ERC1: variants seen among roughly 807,000 people sequenced by gnomAD.
ERC1 encodes the protein RAB6 interacting protein 2.
A neutral mutation model predicts 132.0 loss-of-function variants in ERC1; 56 were observed. The ratio of observed to expected loss-of-function variants is 0.42; its 90% CI spans 0.34 to 0.53. The LOEUF (loss-of-function observed/expected upper bound fraction) is 0.53. Among genes scored for constraint, ERC1 ranks in the 20% least tolerant of loss-of-function variants. The probability of loss-of-function intolerance (pLI) is 0.03; values close to 1 mark genes in which losing one functional copy is unlikely to be tolerated. For missense variants in ERC1, 1,202 were observed against 1,349.9 expected (o/e 0.89, Z 1.72); for synonymous variants, 478 against 476.1 (o/e 1.00, Z -0.05).
At chr12:1,454,190 C>T (rs564903069) in intron 18 of ERC1, among the ~76,000 whole-genome samples, 22 of 152,148 alleles carry the variant, frequency 1.4e-4, no homozygotes, top group Non-Finnish European at 2.4e-4. Flanking sequence ...GATAGCCAGC[C>T]GAACACACGG....
At chr12:1,078,633 A>G (rs943953322) in intron 2 of ERC1, among the ~76,000 whole-genome samples, 8 of 152,180 alleles carry the variant, frequency 5.3e-5, no homozygotes, top group African/African-American at 1.7e-4. Context: ...TGTTAAAAGA[A>G]AAATGGCAGA....
chr12:1,029,150 C>T (rs4765692), intron 2 of ERC1, among the ~76,000 whole-genome samples: 14,070 of 151,974 alleles, frequency 0.093, 1,007 homozygotes, highest in African/African-American at 0.2. Flanking sequence ...GTCAGGAGTT[C>T]GAGACCAGCC....
At chr12:1,142,545 T>C (rs1949950665) in intron 8 of ERC1, among the ~76,000 whole-genome samples, 1 of 152,244 alleles carries the variant, frequency 6.6e-6, no homozygotes, top group South Asian at 2.1e-4. Flanking sequence ...ATAATTTTGA[T>C]GGATTTTGCC....
chr12:1,350,314 T>C (rs1357189269), intron 15 of ERC1, among the ~76,000 whole-genome samples: 1 of 152,180 alleles, frequency 6.6e-6, no homozygotes, highest in Non-Finnish European at 1.5e-5. Flanking sequence ...TATTGTATTT[T>C]TTAAGTTGTT....
chr12:1,178,089 G>C (rs1032390974), intron 8 of ERC1, among the ~76,000 whole-genome samples: 1 of 152,198 alleles, frequency 6.6e-6, no homozygotes, highest in African/African-American at 2.4e-5. Context: ...TTGTTAACAA[G>C]TGAAAATGTA....
At chr12:1,218,835 C>T (rs76369100) in intron 12 of ERC1, among the ~76,000 whole-genome samples, 34,265 of 113,692 alleles carry the variant, frequency 0.3, 4,175 homozygotes, top group Middle Eastern at 0.38. Context: ...TATATATATA[C>T]ACACACACAC....
intron 13 of ERC1, among the ~76,000 whole-genome samples, chr12:1,256,800 T>C (rs1184215676): frequency 6.6e-6 from 1 of 150,804 alleles, no homozygotes. Flanking sequence ...TATGTTTGGG[T>C]TCCATTTTAA....
At chr12:1,331,601 T>A (rs117604994) in intron 15 of ERC1, among the ~76,000 whole-genome samples, 1 of 152,146 alleles carries the variant, frequency 6.6e-6, no homozygotes, top group Non-Finnish European at 1.5e-5. Context: ...TCTGCTTGAT[T>A]CGTTATGCCC....
chr12:1,038,194 C>T (rs966253201), intron 2 of ERC1, among the ~76,000 whole-genome samples: 1 of 152,138 alleles, frequency 6.6e-6, no homozygotes, highest in African/African-American at 2.4e-5. Flanking sequence ...TTGAACTCTT[C>T]ACAACGCCCA....
chr12:1,469,360 G>T (rs1039270872), intron 18 of ERC1, among the ~76,000 whole-genome samples: 2 of 152,258 alleles, frequency 1.3e-5, no homozygotes, highest in African/African-American at 4.8e-5. Context: ...GCCTCCACGG[G>T]CTGTGTTCAG....
chr12:1,002,256 C>G (rs1156794255), intron 1 of ERC1, among the ~76,000 whole-genome samples: 2 of 134,210 alleles, frequency 1.5e-5, no homozygotes, highest in East Asian at 4.9e-4. Context: ...TCACTGCAGC[C>G]TTGACCTTCT....
rs1485790880 is a variant in ERC1, at chr12:1,440,479, T to G, written c.3025-4083T>G. Among the ~76,000 whole-genome samples, 19 of 150,894 alleles carry G rather than the reference T, an allele frequency of 1.3e-4. No homozygotes were observed. The South Asian group carries it at 2.9e-3, about 23-fold the overall frequency. ...CCTTGGCCTCCCAAAGTGCTGCGATTACAGGTGTGAGCCACCGCGCCCGGC... is the reference window on the plus strand; with the variant it reads ...CCTTGGCCTCCCAAAGTGCTGCGATGACAGGTGTGAGCCACCGCGCCCGGC... On this transcript the variant is annotated intron_variant, in intron 17 of 18. Coordinates refer to ENST00000360905, the MANE Select transcript of ERC1 (RefSeq NM_178040.4).
chr12:1,366,616 G>A (rs1427886345), intron 15 of ERC1, among the ~76,000 whole-genome samples: 1 of 152,192 alleles, frequency 6.6e-6, no homozygotes, highest in Non-Finnish European at 1.5e-5. Context: ...AAAAATATTT[G>A]CTATGGCAAG....
chr12:1,205,479 A>G (rs1472787326), intron 12 of ERC1, among the ~76,000 whole-genome samples: 1 of 151,772 alleles, frequency 6.6e-6, no homozygotes, highest in South Asian at 2.1e-4. Flanking sequence ...AACAGCTAGC[A>G]TATGGGTTAC....
intron 7 of ERC1, among the ~76,000 whole-genome samples, chr12:1,133,581 A>G (rs147828239): frequency 1.3e-5 from 2 of 152,254 alleles, no homozygotes; most frequent in African/African-American, 4.8e-5. Flanking sequence ...TGTGGTTGCA[A>G]TCCTTTTCTT....
intron 17 of ERC1, among the ~76,000 whole-genome samples, chr12:1,420,815 G>T (rs1022694499): frequency 1.3e-5 from 2 of 150,644 alleles, no homozygotes; most frequent in Non-Finnish European, 1.5e-5. Context: ...TACAAAATGA[G>T]TGTATTTCTT....
intron 15 of ERC1, among the ~76,000 whole-genome samples, chr12:1,320,308 C>G (rs957601539): frequency 6.6e-6 from 1 of 152,204 alleles, no homozygotes; most frequent in Non-Finnish European, 1.5e-5. Flanking sequence ...GGCTCTACCC[C>G]ACATGTGCTC....
At chr12:1,007,540 CTGTGTGTGTGTGTGTG>C (rs10570281) in intron 1 of ERC1, among the ~76,000 whole-genome samples, 2 of 122,768 alleles carry the variant, frequency 1.6e-5, no homozygotes, top group Non-Finnish European at 3.2e-5. Flanking sequence ...CTCTCTCTCT[CTGTGTGTGTGTGTGTG>C]TGTGTGTGTG....
At chr12:1,408,736 CT>C (rs1480698876) in intron 17 of ERC1, among the ~76,000 whole-genome samples, 1 of 152,174 alleles carries the variant, frequency 6.6e-6, no homozygotes, top group African/African-American at 2.4e-5. Context: ...ACTCCCTGTC[CT>C]TGTGGATCCC....
Sources: gnomAD v4.1 joint callset for allele counts (sites outside exome capture counted in the v4.1 genomes callset) on GRCh38, gnomAD v4.1.1 for gene constraint, MANE v1.5 for transcripts, NCBI Gene and HGNC (gene_info 2026-07-23, HGNC 2026-07-21) for gene names.